PCDH15: variants seen among roughly 807,000 people sequenced by gnomAD.
PCDH15 encodes protocadherin-15.
A neutral mutation model predicts 178.5 loss-of-function variants in PCDH15; 129 were observed. The ratio of observed to expected loss-of-function variants is 0.72; its 90% CI spans 0.63 to 0.84. The LOEUF (loss-of-function observed/expected upper bound fraction) is 0.84. Among genes scored for constraint, PCDH15 ranks in the 40% least tolerant of loss-of-function variants. PCDH15 has a pLI of 0.00. For missense variants in PCDH15, 2,230 were observed against 2,099.9 expected (o/e 1.06, Z -1.21); for synonymous variants, 800 against 732.0 (o/e 1.09, Z -1.50).
At chr10:55,093,894 A>G (rs2132038186) in intron 2 of PCDH15, among the ~76,000 whole-genome samples, 1 of 152,242 alleles carries the variant, frequency 6.6e-6, no homozygotes, top group East Asian at 1.9e-4. Context: ...AGGAAACAAC[A>G]GGTGCTGGAG....
chr10:53,868,629 T>C (rs2079617088), intron 26 of PCDH15, among the ~76,000 whole-genome samples: 1 of 152,118 alleles, frequency 6.6e-6, no homozygotes, highest in Admixed American at 6.5e-5. Flanking sequence ...GAGACACAAA[T>C]GATTAAAATA....
At chr10:54,562,442 G>A (rs767492994) in intron 2 of PCDH15, among the ~76,000 whole-genome samples, 4 of 152,118 alleles carry the variant, frequency 2.6e-5, no homozygotes, top group Non-Finnish European at 4.4e-5. Context: ...AATACATTGT[G>A]CATAATGAAG....
chr10:54,036,771 A>T (rs1175588549), intron 18 of PCDH15, among the ~76,000 whole-genome samples: 4 of 151,974 alleles, frequency 2.6e-5, no homozygotes, highest in African/African-American at 9.7e-5. Flanking sequence ...AATAAATTTC[A>T]TAAGATTATA....
intron 2 of PCDH15, among the ~76,000 whole-genome samples, chr10:55,011,455 T>C (rs1386314263): frequency 6.6e-6 from 1 of 152,112 alleles, no homozygotes; most frequent in Non-Finnish European, 1.5e-5. Context: ...AGTCTTTTCT[T>C]AAACGGAAAA....
At chr10:54,764,405 C>A (rs1324265992) in intron 1 of PCDH15, among the ~76,000 whole-genome samples, 1 of 151,752 alleles carries the variant, frequency 6.6e-6, no homozygotes, top group African/African-American at 2.4e-5. Flanking sequence ...CAAAGGTGTG[C>A]CAGATTCATT....
chr10:54,655,217 G>A (rs141534865), intron 2 of PCDH15, among the ~76,000 whole-genome samples: 2,682 of 133,694 alleles, frequency 0.02, 45 homozygotes, highest in Non-Finnish European at 0.028. Context: ...CAAAAAAAAG[G>A]AAGGGAGGAA....
intron 1 of PCDH15, among the ~76,000 whole-genome samples, chr10:54,793,226 A>G (rs1951604960): frequency 6.6e-6 from 1 of 151,846 alleles, no homozygotes; most frequent in African/African-American, 2.4e-5. Flanking sequence ...GGTGTCAGGG[A>G]TATTGAGTAG....
At chr10:55,185,250 A>G (rs1839761594) in intron 1 of PCDH15, among the ~76,000 whole-genome samples, 1 of 151,854 alleles carries the variant, frequency 6.6e-6, no homozygotes. Flanking sequence ...ACAAATGTTT[A>G]GGTGGTATAC....
chr10:55,366,502 T>C (rs1228387040), intron 2 of PCDH15, among the ~76,000 whole-genome samples: 2 of 152,186 alleles, frequency 1.3e-5, no homozygotes, highest in African/African-American at 4.8e-5. Context: ...GAAATTATAA[T>C]GTGTTTACAA....
intron 1 of PCDH15, among the ~76,000 whole-genome samples, chr10:55,305,999 AC>A (rs778328490): frequency 2.6e-5 from 4 of 152,258 alleles, no homozygotes; most frequent in Non-Finnish European, 5.9e-5. Context: ...ACATTTAAAA[AC>A]AACTTTAGCC....
At chr10:54,504,745 G>T (rs555016892) in intron 3 of PCDH15, among the ~76,000 whole-genome samples, 19 of 151,946 alleles carry the variant, frequency 1.3e-4, no homozygotes, top group Non-Finnish European at 1.8e-4. Flanking sequence ...TTGAACACAG[G>T]GTTCTCCTAA....
chr10:55,116,536 G>C (rs1018220560), intron 2 of PCDH15, among the ~76,000 whole-genome samples: 1 of 152,098 alleles, frequency 6.6e-6, no homozygotes, highest in Non-Finnish European at 1.5e-5. Context: ...CATCAAGTGA[G>C]GGTAAAATTC....
Position 53,855,994 on chromosome 10 carries a change from G to T in PCDH15, c.3806+1181C>A, listed in dbSNP as rs181878208. On this transcript the variant is annotated intron_variant, in intron 28 of 37. Transcript: ENST00000644397. ...AAAATAATGGCATTTGCCATTATTG[G>T]AGACCATTACTCTAAGTGAAGTAAC... Among the ~76,000 whole-genome samples, 89 of 148,958 alleles carry T rather than the reference G, an allele frequency of 6.0e-4. 1 individual carries two copies. The highest frequency in any genetic ancestry group is 3.2e-3 in the South Asian group (15 of 4,664).
intron 2 of PCDH15, among the ~76,000 whole-genome samples, chr10:55,401,909 T>C (rs1457240498): frequency 6.6e-6 from 1 of 152,010 alleles, no homozygotes; most frequent in African/African-American, 2.4e-5. Flanking sequence ...ATTTACAGAA[T>C]GGATGCTACC....
chr10:54,328,201 G>T (rs1938607603), intron 7 of PCDH15, among the ~76,000 whole-genome samples: 1 of 117,026 alleles, frequency 8.5e-6, no homozygotes. Flanking sequence ...CCCCAGCTTT[G>T]CCTTTACCAG....
chr10:54,120,549 A>ATGAAG (rs1564466733), intron 15 of PCDH15, among the ~76,000 whole-genome samples: 1 of 152,290 alleles, frequency 6.6e-6, no homozygotes, highest in East Asian at 1.9e-4. Flanking sequence ...GTAATGATAC[A>ATGAAG]TGAAGTAAAG....
intron 2 of PCDH15, among the ~76,000 whole-genome samples, chr10:54,977,514 G>A (rs1032437062): frequency 2.6e-5 from 4 of 152,092 alleles, no homozygotes; most frequent in African/African-American, 7.2e-5. Flanking sequence ...GGTCCAAAAA[G>A]GGGAGAAACC....
chr10:54,014,215 T>A (rs182912560), intron 20 of PCDH15, among the ~76,000 whole-genome samples: 66 of 152,078 alleles, frequency 4.3e-4, no homozygotes, highest in African/African-American at 1.4e-3. Flanking sequence ...AAGTTTGTGT[T>A]AAAAAGAAAC....
chr10:54,188,329 T>G (rs200404092), intron 11 of PCDH15, among the ~76,000 whole-genome samples: 2 of 151,914 alleles, frequency 1.3e-5, no homozygotes, highest in Non-Finnish European at 3.0e-5. Flanking sequence ...CTTATAAGTT[T>G]CATAGACTAG....
Sources: allele counts gnomAD v4.1 joint callset (sites outside exome capture counted in the v4.1 genomes callset), GRCh38; gene constraint gnomAD v4.1.1; transcripts MANE v1.5; gene names NCBI Gene and HGNC (gene_info 2026-07-23, HGNC 2026-07-21).